PRKN: variants seen among roughly 807,000 people sequenced by gnomAD.
PRKN encodes the protein parkin RBR E3 ubiquitin protein ligase, also known as E3 ubiquitin-protein ligase parkin.
Under a neutral mutation model 59.5 loss-of-function variants are expected in PRKN, and 56 were observed. The ratio of observed to expected loss-of-function variants is 0.94; its 90% CI spans 0.76 to 1.18. PRKN has a LOEUF of 1.18. PRKN is among the 50% of genes most tolerant of loss of function. The pLI, the probability that PRKN is intolerant of heterozygous loss-of-function variation, is 0.00. For synonymous variants in PRKN, 250 were observed against 222.1 expected, an observed-to-expected ratio of 1.13 and a Z score of -1.12; for missense variants, 657 against 596.4, an observed-to-expected ratio of 1.10 and a Z score of -1.06.
intron 1 of PRKN, among the ~76,000 whole-genome samples, chr6:162,497,863 G>GT (rs1793139300): frequency 6.6e-6 from 1 of 152,158 alleles, no homozygotes; most frequent in Non-Finnish European, 1.5e-5. Flanking sequence ...AATTCCTATA[G>GT]TTAACAATCA....
chr6:161,865,404 T>C (rs980748642), intron 6 of PRKN, among the ~76,000 whole-genome samples: 1 of 152,194 alleles, frequency 6.6e-6, no homozygotes, highest in Admixed American at 6.5e-5. Context: ...GGAGTCAGCC[T>C]ATCCTTGGAA....
At chr6:161,971,227 G>T (rs75453767) in intron 6 of PRKN, among the ~76,000 whole-genome samples, 12,192 of 152,178 alleles carry the variant, frequency 0.08, 568 homozygotes, top group Middle Eastern at 0.11. Context: ...CATTCTCTTC[G>T]AAAGATGTTG....
rs56156401 is a variant in PRKN at position 161,444,131 on chromosome 6, C to T, written c.1084-57254G>A. ...GCTCCTGGACTGGGGGACTGGGAATCGGCCAGGCCAGGCCCAGCGGGTGGG... is the reference window on the plus strand; with the variant it reads ...GCTCCTGGACTGGGGGACTGGGAATTGGCCAGGCCAGGCCCAGCGGGTGGG... On this transcript the variant is annotated intron_variant, in intron 9 of 11. Transcript: ENST00000366898. The surrounding 1 kb of genome is among the most constrained non-coding windows in gnomAD (Gnocchi z 5.6). Among the ~76,000 whole-genome samples, 729 of 152,290 alleles carry T rather than the reference C, an allele frequency of 4.8e-3. 9 individuals are homozygous for T. Among genetic ancestry groups the T allele is most frequent in the African/African-American group, 0.017 (697 of 41,560 alleles).
chr6:162,025,656 T>G (rs909000777), intron 5 of PRKN, among the ~76,000 whole-genome samples: 1 of 130,102 alleles, frequency 7.7e-6, no homozygotes, highest in African/African-American at 3.0e-5. Flanking sequence ...TGCCACGATC[T>G]CAGCTCACTG....
intron 6 of PRKN, among the ~76,000 whole-genome samples, chr6:161,846,108 C>A (rs1793188335): frequency 6.6e-6 from 1 of 152,176 alleles, no homozygotes; most frequent in Non-Finnish European, 1.5e-5. Flanking sequence ...TGAGAGTTAA[C>A]ATGAGGGAGG....
intron 4 of PRKN, among the ~76,000 whole-genome samples, chr6:162,135,668 G>C (rs1781535956): frequency 1.3e-5 from 2 of 152,096 alleles, no homozygotes; most frequent in South Asian, 4.1e-4. Context: ...GTGTGTAGCT[G>C]ACTGTGGATC....
intron 6 of PRKN, among the ~76,000 whole-genome samples, chr6:161,968,501 GA>G (rs1780672806): frequency 1.3e-5 from 2 of 152,096 alleles, no homozygotes; most frequent in Non-Finnish European, 2.9e-5. Flanking sequence ...CCTTGACAAG[GA>G]GGGATTCTGT....
rs754463648 is a variant in PRKN at position 161,386,870 on chromosome 6, A to C, written c.1091T>G (p.Phe364Cys). 1 of 1,613,896 alleles carries C rather than the reference A, an allele frequency of 6.2e-7. No homozygotes were observed. The highest frequency in any genetic ancestry group is 8.5e-7 in the Non-Finnish European group (1 of 1,179,756). ...GTACGCTTCTTTACATTCCCGGCAG[A>C]AGGCAAACTGCAAAAGAACACACAT... ...GGNGLGCGFA[F>C]CRECKEAYHE... is the part of the protein sequence containing the mutation. Residue 364 changes from phenylalanine (F) to cysteine (C), a missense_variant, in exon 10 of 12, where the codon TTC (phenylalanine) becomes TGC (cysteine). Phe to Cys is a radical substitution (Grantham distance 205, BLOSUM62 -2). Coordinates refer to ENST00000366898, the MANE Select transcript of PRKN (RefSeq NM_004562.3). The surrounding 1 kb of genome is among the most constrained non-coding windows in gnomAD (Gnocchi z 4.3).
At chr6:162,447,512 C>A (rs1790376698) in intron 1 of PRKN, among the ~76,000 whole-genome samples, 1 of 152,056 alleles carries the variant, frequency 6.6e-6, no homozygotes, top group African/African-American at 2.4e-5. Flanking sequence ...TCATAATGCA[C>A]TGATAACAAA....
chr6:162,220,486 A>G (rs1375639296), intron 3 of PRKN, among the ~76,000 whole-genome samples: 1 of 152,190 alleles, frequency 6.6e-6, no homozygotes, highest in East Asian at 1.9e-4. Context: ...TAAAAGAGTG[A>G]CTAAATCAAT....
At chr6:161,703,575 G>C (rs1786342722) in intron 7 of PRKN, among the ~76,000 whole-genome samples, 1 of 152,118 alleles carries the variant, frequency 6.6e-6, no homozygotes, top group Non-Finnish European at 1.5e-5. Flanking sequence ...GTGATTCCCT[G>C]ACAGCCACAC....
At chr6:162,051,058 CAAGA>C (rs1328901598) in intron 5 of PRKN, among the ~76,000 whole-genome samples, 1 of 152,132 alleles carries the variant, frequency 6.6e-6, no homozygotes, top group Non-Finnish European at 1.5e-5. Context: ...GCTGCAATGA[CAAGA>C]AAGCATCCAA....
chr6:162,608,623 G>A (rs975070208), intron 1 of PRKN, among the ~76,000 whole-genome samples: 1 of 152,174 alleles, frequency 6.6e-6, no homozygotes, highest in Non-Finnish European at 1.5e-5. Context: ...GAGTAAAAAT[G>A]TCACCAATCC....
At chr6:161,553,433 C>T (rs1433550604) in intron 8 of PRKN, among the ~76,000 whole-genome samples, 1 of 151,818 alleles carries the variant, frequency 6.6e-6, no homozygotes, top group East Asian at 1.9e-4. Context: ...CTCCCTCTAT[C>T]TCTCTGTCCT....
intron 7 of PRKN, among the ~76,000 whole-genome samples, chr6:161,762,304 T>C (rs748600221): frequency 1.3e-5 from 2 of 152,164 alleles, no homozygotes; most frequent in Non-Finnish European, 2.9e-5. Flanking sequence ...TTGAGGTTCT[T>C]GTAGATTCAG....
chr6:161,975,828 G>A (rs1161903191), intron 5 of PRKN, among the ~76,000 whole-genome samples: 2 of 152,222 alleles, frequency 1.3e-5, no homozygotes, highest in East Asian at 1.9e-4. Context: ...GACCGCTGCT[G>A]TGGCAGGTCG....
rs192972443 is a variant in PRKN, at chr6:161,548,480, G to C, written c.1083+374C>G. 1.3e-5 allele frequency among the ~76,000 whole-genome samples: 2 copies of C among 152,294 alleles called. No individual in the cohort carries two copies. ...ATGTCACTAAGACGTCACTGATGGA[G>C]AATTCTTTCTCCTTCACTCCTGTCT... On this transcript the variant is annotated intron_variant, in intron 9 of 11. Transcript: ENST00000366898. This position sits in a 1 kb window ranked among gnomAD's most constrained non-coding sequence, Gnocchi z 4.2.
chr6:161,732,235 T>A (rs1787747620), intron 7 of PRKN, among the ~76,000 whole-genome samples: 1 of 152,082 alleles, frequency 6.6e-6, no homozygotes, highest in Non-Finnish European at 1.5e-5. Context: ...TACAGGTGTG[T>A]GCCACCATGC....
chr6:162,423,628 C>T lies in PRKN; in HGVS notation c.171+19682G>A, dbSNP rs985982460. Among the ~76,000 whole-genome samples, 4 of 152,048 alleles carry T rather than the reference C, an allele frequency of 2.6e-5. No individual in the cohort carries two copies. The East Asian group carries it at 7.7e-4, about 29-fold the overall frequency. On this transcript the variant is annotated intron_variant, in intron 2 of 11. Transcript: ENST00000366898. The stretch of plus-strand genomic sequence containing the variant: ...ATCTGTGGTATCTTTGCAGTTACAA[C>T]CCACTGGTTTCCTCTATTCTCTTAC...
Sources: allele counts gnomAD v4.1 joint callset (sites outside exome capture counted in the v4.1 genomes callset), GRCh38; gene constraint gnomAD v4.1.1; non-coding constraint Gnocchi (gnomAD v3.1); transcripts MANE v1.5; gene names NCBI Gene and HGNC (gene_info 2026-07-23, HGNC 2026-07-21).